The following ERC2 variants were observed in gnomAD, a reference collection of about 807,000 sequenced individuals.
The protein encoded by ERC2 is ERC protein 2.
A neutral mutation model predicts 114.8 loss-of-function variants in ERC2; 42 were observed. That is an observed-to-expected ratio of 0.37 (90% CI 0.29 to 0.47). The LOEUF (loss-of-function observed/expected upper bound fraction) is 0.47. Among genes scored for constraint, ERC2 ranks in the 20% least tolerant of loss-of-function variants. The pLI is 0.99. For synonymous variants in ERC2, 454 were observed against 425.5 expected (o/e 1.07, Z -0.82); for missense variants, 939 against 1,150.7 (o/e 0.82, Z 2.66).
intron 17 of ERC2, among the ~76,000 whole-genome samples, chr3:55,681,554 AT>A (rs745772332): frequency 2.2e-4 from 33 of 152,280 alleles, no homozygotes; most frequent in South Asian, 8.3e-4. Flanking sequence ...CCAGTATCTC[AT>A]TATTTAAATC....
intron 13 of ERC2, among the ~76,000 whole-genome samples, chr3:55,938,002 G>T (rs563344457): frequency 2.6e-5 from 4 of 152,282 alleles, no homozygotes; most frequent in African/African-American, 9.6e-5. Flanking sequence ...TACTTAGAAG[G>T]TTCATGTTTT....
chr3:56,062,166 T>C (rs988667524), intron 7 of ERC2, among the ~76,000 whole-genome samples: 3 of 152,222 alleles, frequency 2.0e-5, no homozygotes, highest in African/African-American at 7.2e-5. Context: ...CTGTTTCTTT[T>C]TTAAAAGAAG....
intron 4 of ERC2, among the ~76,000 whole-genome samples, chr3:56,151,323 T>G (rs1487451157): frequency 1.3e-5 from 2 of 152,104 alleles, no homozygotes; most frequent in Non-Finnish European, 2.9e-5. Context: ...CACCTCAGCC[T>G]CCCAAAGTGT....
chr3:56,091,305 A>C (rs1471297595), intron 6 of ERC2, among the ~76,000 whole-genome samples: 1 of 152,134 alleles, frequency 6.6e-6, no homozygotes, highest in Non-Finnish European at 1.5e-5. Context: ...GATGAAAGGA[A>C]GGAAGATATC....
chr3:56,001,508 TA>T (rs1206513238), intron 10 of ERC2, among the ~76,000 whole-genome samples: 3 of 152,146 alleles, frequency 2.0e-5, no homozygotes, highest in East Asian at 1.9e-4. Flanking sequence ...TTAGTTTAAT[TA>T]ACTTGAGGAG....
intron 7 of ERC2, among the ~76,000 whole-genome samples, chr3:56,033,007 G>GAAA (rs36188461): frequency 1.5e-3 from 180 of 119,386 alleles, no homozygotes; most frequent in African/African-American, 2.5e-3. Flanking sequence ...AAGAAAGAAA[G>GAAA]AAAGAAAGAA....
intron 17 of ERC2, among the ~76,000 whole-genome samples, chr3:55,606,143 A>G (rs2058633123): frequency 6.6e-6 from 1 of 152,178 alleles, no homozygotes; most frequent in African/African-American, 2.4e-5. Context: ...TTGCAGGCCA[A>G]TCAACAACAG....
intron 13 of ERC2, among the ~76,000 whole-genome samples, chr3:55,913,473 A>G (rs145306045): frequency 1.8e-3 from 273 of 152,324 alleles, no homozygotes; most frequent in African/African-American, 6.5e-3. Context: ...GCACATACCT[A>G]TAAATTGGTC....
At position 55,692,775 on chromosome 3, in the gene ERC2, A is replaced by T. The variant is rs79634161; in HGVS notation, c.2847+6603T>A. On this transcript the variant is annotated intron_variant, in intron 16 of 17. Transcript: ENST00000288221. ...CATCTGCCTATATGCAAGAATCCAGAATCCAAACACAGAAAGGAAAAGCAG... is the reference window on the plus strand; with the variant it reads ...CATCTGCCTATATGCAAGAATCCAGTATCCAAACACAGAAAGGAAAAGCAG... 2.0e-5 allele frequency among the ~76,000 whole-genome samples: 3 copies of T among 152,336 alleles called. No homozygotes were observed. The East Asian group carries it at 5.8e-4, about 29-fold the overall frequency.
At chr3:55,590,765 G>A (rs113868514) in intron 17 of ERC2, among the ~76,000 whole-genome samples, 10 of 152,320 alleles carry the variant, frequency 6.6e-5, no homozygotes, top group African/African-American at 2.4e-4. Flanking sequence ...GGTAGCATCT[G>A]GTGTTGTAAT....
chr3:56,041,714 A>G (rs2075202055), intron 7 of ERC2, among the ~76,000 whole-genome samples: 1 of 151,912 alleles, frequency 6.6e-6, no homozygotes, highest in Admixed American at 6.6e-5. Context: ...TATATGGGAG[A>G]TGGGAAGAAA....
At chr3:56,237,660 T>G (rs538769358) in intron 3 of ERC2, among the ~76,000 whole-genome samples, 107 of 152,248 alleles carry the variant, frequency 7.0e-4, no homozygotes, top group Non-Finnish European at 1.1e-3. Flanking sequence ...CACATTGCTT[T>G]CTTTTTTTTT....
At chr3:55,531,789 C>T (rs1035216614) in intron 17 of ERC2, among the ~76,000 whole-genome samples, 2 of 152,192 alleles carry the variant, frequency 1.3e-5, no homozygotes, top group Admixed American at 6.5e-5. Flanking sequence ...CCCTGGGCCA[C>T]CACTGGCAAT....
At chr3:56,258,312 T>C (rs182395766) in intron 3 of ERC2, among the ~76,000 whole-genome samples, 15 of 152,198 alleles carry the variant, frequency 9.9e-5, no homozygotes, top group Non-Finnish European at 1.8e-4. Flanking sequence ...TGCTATAGCC[T>C]GAATGCAGCC....
chr3:55,614,952 T>C (rs1410920655), intron 17 of ERC2, among the ~76,000 whole-genome samples: 2 of 152,258 alleles, frequency 1.3e-5, no homozygotes, highest in Admixed American at 6.5e-5. Context: ...AAAAACAACC[T>C]ACCACTTTAA....
At chr3:56,336,331 T>C (rs962322888) in intron 2 of ERC2, among the ~76,000 whole-genome samples, 1 of 152,138 alleles carries the variant, frequency 6.6e-6, no homozygotes, top group Non-Finnish European at 1.5e-5. Context: ...GGTTGGAACA[T>C]AGAAAAGGAG....
intron 15 of ERC2, among the ~76,000 whole-genome samples, chr3:55,734,065 TA>T (rs1231874186): frequency 1.3e-5 from 2 of 152,240 alleles, no homozygotes; most frequent in Admixed American, 1.3e-4. Context: ...TATTTCCATT[TA>T]AGCCACTTCC....
At chr3:55,677,437 C>A (rs1293084491) in intron 17 of ERC2, among the ~76,000 whole-genome samples, 2 of 152,102 alleles carry the variant, frequency 1.3e-5, no homozygotes, top group African/African-American at 4.8e-5. Context: ...CAGTATCAAC[C>A]ACTTTCCTCT....
At chr3:56,143,217 C>A (rs1301856121) in intron 5 of ERC2, among the ~76,000 whole-genome samples, 1 of 152,158 alleles carries the variant, frequency 6.6e-6, no homozygotes, top group Non-Finnish European at 1.5e-5. Flanking sequence ...TTCCTACAAT[C>A]CCTCATCTTA....
Sources: allele counts gnomAD v4.1 joint callset (sites outside exome capture counted in the v4.1 genomes callset), GRCh38; gene constraint gnomAD v4.1.1; transcripts MANE v1.5; gene names NCBI Gene and HGNC (gene_info 2026-07-23, HGNC 2026-07-21).